The following MID1 variants were observed in gnomAD, a reference collection of about 807,000 sequenced individuals.
MID1 encodes the protein E3 ubiquitin-protein ligase Midline-1.
A neutral mutation model predicts 40.4 loss-of-function variants in MID1; 7 were observed. That is an observed-to-expected ratio of 0.17 (90% CI 0.10 to 0.33). MID1 has a LOEUF of 0.33. Among genes scored for constraint, MID1 ranks in the 10% least tolerant of loss-of-function variants. The probability of loss-of-function intolerance (pLI) is 1.00; values close to 1 mark genes in which losing one functional copy is unlikely to be tolerated. For missense variants in MID1, 367 were observed against 558.5 expected, an observed-to-expected ratio of 0.66 and a Z score of 3.46; for synonymous variants, 229 against 221.2, an observed-to-expected ratio of 1.04 and a Z score of -0.31.
chrX:10,653,110 G>C (rs1261315625), intron 1 of MID1, among the ~76,000 whole-genome samples: 2 of 111,950 alleles, frequency 1.8e-5, no homozygotes, highest in African/African-American at 6.5e-5. Flanking sequence ...TGCTGCTGGT[G>C]CTCAATAAAG....
rs751103057 is a variant in MID1, at chrX:10,479,241, T to C, written c.1013+3239A>G. The stretch of plus-strand genomic sequence containing the variant: ...GGTATATAGTAGGTGTTTATATTTA[T>C]GGAGTACATGAGATATTTTGATACA... On this transcript the variant is annotated intron_variant, in intron 5 of 9. Coordinates refer to ENST00000317552, the MANE Select transcript of MID1 (RefSeq NM_000381.4). Among the ~76,000 whole-genome samples, 4 of 112,239 alleles carry C rather than the reference T, an allele frequency of 3.6e-5. No homozygotes were observed. The South Asian group carries it at 1.5e-3, about 42-fold the overall frequency.
intron 3 of MID1, among the ~76,000 whole-genome samples, chrX:10,509,844 C>G (rs1421662897): frequency 2.7e-5 from 3 of 112,108 alleles, no homozygotes; most frequent in African/African-American, 6.5e-5. Flanking sequence ...GTTCCATTCA[C>G]TCATCAATAG....
chrX:10,748,035 T>C (rs1602553631), intron 1 of MID1, among the ~76,000 whole-genome samples: 1 of 111,074 alleles, frequency 9.0e-6, no homozygotes, highest in Non-Finnish European at 1.9e-5. Flanking sequence ...GAGCTGGAGA[T>C]GATAATGGTT....
At chrX:10,659,212 T>C (rs957746746) in intron 1 of MID1, among the ~76,000 whole-genome samples, 3 of 112,207 alleles carry the variant, frequency 2.7e-5, no homozygotes, top group African/African-American at 9.7e-5. Context: ...TGGCGACCCC[T>C]GGGGTCTGTG....
In MID1 at chrX:10,565,002, T is replaced by TA. The variant is rs5901437; in HGVS notation, c.660+1885dup. On this transcript the variant is annotated intron_variant, in intron 2 of 9. Coordinates refer to ENST00000317552, the MANE Select transcript of MID1 (RefSeq NM_000381.4). The stretch of plus-strand genomic sequence containing the variant: ...GCTCCACCACCAACCAAAAAAGGGG[T>TA]AAAAAAAAAAAAAAAAAAAAAGATT... Among the ~76,000 whole-genome samples, 571 of 77,890 alleles carry TA rather than the reference T, an allele frequency of 7.3e-3. 14 individuals are homozygous for TA. The highest frequency in any genetic ancestry group is 0.062 in the Admixed American group (412 of 6,601). 67.6% of individuals were successfully genotyped at this position (77,890 alleles called of 115,157 possible).
chrX:10,494,699 G>A (rs772702036), intron 4 of MID1, among the ~76,000 whole-genome samples: 42 of 106,589 alleles, frequency 3.9e-4, no homozygotes, highest in African/African-American at 1.2e-3. Context: ...GTCTGAGCCC[G>A]GGAGGCGGCA....
At chrX:10,690,486 T>C (rs2043125559) in intron 1 of MID1, among the ~76,000 whole-genome samples, 1 of 112,317 alleles carries the variant, frequency 8.9e-6, no homozygotes, top group African/African-American at 3.2e-5. Context: ...CTAGGTATAA[T>C]GGTGGCTACT....
chrX:10,472,706 C>G (rs776187428), intron 6 of MID1, among the ~76,000 whole-genome samples: 18 of 112,368 alleles, frequency 1.6e-4, no homozygotes, highest in African/African-American at 5.8e-4. Flanking sequence ...TTTTGTCCAT[C>G]GTTTCCCCTC....
chrX:10,509,997 C>G (rs1423346635), intron 3 of MID1, among the ~76,000 whole-genome samples: 1 of 112,243 alleles, frequency 8.9e-6, no homozygotes, highest in Non-Finnish European at 1.9e-5. Flanking sequence ...CAACAATTCA[C>G]TATGTAGTTT....
intron 1 of MID1, among the ~76,000 whole-genome samples, chrX:10,661,318 CTT>C (rs113834216): frequency 1.9e-5 from 2 of 102,627 alleles, no homozygotes; most frequent in Non-Finnish European, 2.0e-5. Context: ...CCAACTATTT[CTT>C]TTTTTTTTTT....
intron 1 of MID1, among the ~76,000 whole-genome samples, chrX:10,675,959 TC>T (rs1430074278): frequency 8.9e-6 from 1 of 112,175 alleles, no homozygotes; most frequent in Non-Finnish European, 1.9e-5. Context: ...GTGAACACTC[TC>T]CCCTCCTTTC....
rs760646712 is a variant in MID1, at chrX:10,591,837, C to T, written c.-56-24234G>A. ...ATTAGCCCCCTGGGGTGTTGAACTC[C>T]AAAACCTCTATTTTTTCCCCCGGGT... On this transcript the variant is annotated intron_variant, in intron 1 of 9. Coordinates refer to ENST00000317552, the MANE Select transcript of MID1 (RefSeq NM_000381.4). Among the ~76,000 whole-genome samples the T allele has an allele frequency of 3.6e-5, 4 of 111,018 alleles. No individual in the cohort carries two copies. In the East Asian group the frequency reaches 1.1e-3, roughly 31 times the overall value.
At chrX:10,626,922 T>G (rs1936001709) in intron 1 of MID1, among the ~76,000 whole-genome samples, 1 of 111,278 alleles carries the variant, frequency 9.0e-6, no homozygotes, top group Non-Finnish European at 1.9e-5. Context: ...TTAAGAATAA[T>G]ATCCAAAATT....
Position 10,446,302 on chromosome X carries a change from G to A in MID1, c.*3066C>T, listed in dbSNP as rs1331276516. 1 of 111,893 alleles carries A rather than the reference G, an allele frequency of 8.9e-6. No individual in the cohort carries two copies. The highest frequency in any genetic ancestry group is 1.9e-5 in the Non-Finnish European group (1 of 53,212). 9.2% of individuals were successfully genotyped at this position (111,893 alleles called of 1,213,427 possible). A position where few individuals can be genotyped will look rare whatever the true frequency, so the allele number is the denominator to read the frequency against. ...AGCATATATGCGTGTCTCTTTGCAG[G>A]TATCTGCATGTTCCTGGAGCTGAGA... On this transcript the variant is annotated 3_prime_UTR_variant, in exon 10 of 10. Transcript: ENST00000317552.
chrX:10,797,489 C>T (rs971058218), intron 1 of MID1, among the ~76,000 whole-genome samples: 3 of 111,789 alleles, frequency 2.7e-5, no homozygotes, highest in African/African-American at 9.7e-5. Context: ...AAGTGATTTG[C>T]CGGAGTCATG....
chrX:10,532,115 G>A (rs553227261), intron 2 of MID1, among the ~76,000 whole-genome samples: 49 of 111,873 alleles, frequency 4.4e-4, no homozygotes, highest in Non-Finnish European at 8.3e-4. Flanking sequence ...GCAACTCTCT[G>A]GCAGCCCTCT....
At position 10,728,190 on chromosome X, in the gene MID1, T is replaced by TCCC. The variant is rs199653296; in HGVS notation, c.-187+105361_-187+105363dup. ...TGGATCTTTAAAACTCATCAACTTT[T>TCCC]CCCCCCCCAGGAAAAAACGTAGGCT... On this transcript the variant is annotated intron_variant, in intron 1 of 10. Transcript: ENST00000380785. Among the ~76,000 whole-genome samples, 745 of 108,767 alleles carry TCCC rather than the reference T, an allele frequency of 6.8e-3. 9 individuals are homozygous for TCCC. The highest frequency in any genetic ancestry group is 0.024 in the African/African-American group (700 of 29,755). The allele number at this position is 108,767 out of a possible 115,157, so 94.5% of individuals were successfully genotyped here.
chrX:10,651,810 T>C (rs1216273702), intron 1 of MID1, among the ~76,000 whole-genome samples: 1 of 111,190 alleles, frequency 9.0e-6, no homozygotes, highest in East Asian at 2.8e-4. Flanking sequence ...TTTTTTTCAG[T>C]AAAGGCGGGG....
chrX:10,807,237 T>C (rs2044054667), intron 1 of MID1, among the ~76,000 whole-genome samples: 1 of 109,993 alleles, frequency 9.1e-6, no homozygotes, highest in Admixed American at 9.6e-5. Flanking sequence ...AGAGCAAGGC[T>C]CTGTTTCAAA....
Sources: allele counts gnomAD v4.1 joint callset (sites outside exome capture counted in the v4.1 genomes callset), GRCh38; gene constraint gnomAD v4.1.1; transcripts MANE v1.5; gene names NCBI Gene and HGNC (gene_info 2026-07-23, HGNC 2026-07-21).